The following ME1 variants were observed in gnomAD, a reference collection of about 807,000 sequenced individuals.
ME1 encodes malic enzyme 1.
In ME1, 74 loss-of-function variants were observed where a neutral mutation model predicts 66.4. The ratio of observed to expected loss-of-function variants is 1.11; its 90% CI spans 0.92 to 1.35. ME1 has a LOEUF of 1.35. Among genes scored for constraint, ME1 ranks in the 40% most tolerant of loss-of-function variants. ME1 has a pLI of 0.00. For synonymous variants in ME1, 251 were observed against 235.6 expected, an observed-to-expected ratio of 1.07 and a Z score of -0.60; for missense variants, 750 against 694.1, an observed-to-expected ratio of 1.08 and a Z score of -0.90.
At chr6:83,361,589 C>T (rs377027461) in intron 3 of ME1, among the ~76,000 whole-genome samples, 19 of 152,308 alleles carry the variant, frequency 1.2e-4, no homozygotes, top group East Asian at 5.8e-4. Flanking sequence ...TTTGGCAAGC[C>T]GCCATAGGTG....
At chr6:83,269,237 C>A (rs1424243256) in intron 6 of ME1, among the ~76,000 whole-genome samples, 1 of 151,816 alleles carries the variant, frequency 6.6e-6, no homozygotes, top group East Asian at 2.0e-4. Flanking sequence ...GTTCCTCTAT[C>A]ATTTATGTTT....
chr6:83,362,074 C>G (rs1436005517), intron 3 of ME1, among the ~76,000 whole-genome samples: 1 of 152,218 alleles, frequency 6.6e-6, no homozygotes, highest in African/African-American at 2.4e-5. Context: ...AGCTACAGCA[C>G]TACAGCCCCT....
chr6:83,227,849 A>T (rs1790227456), intron 10 of ME1, among the ~76,000 whole-genome samples: 1 of 152,238 alleles, frequency 6.6e-6, no homozygotes, highest in Non-Finnish European at 1.5e-5. Context: ...TAAGTTTTAT[A>T]AACCAACGCT....
At chr6:83,264,851 C>T (rs762092111) in intron 6 of ME1, among the ~76,000 whole-genome samples, 7 of 152,084 alleles carry the variant, frequency 4.6e-5, no homozygotes, top group African/African-American at 9.7e-5. Flanking sequence ...ACTGTTGAAA[C>T]GACAACAATT....
At chr6:83,274,052 C>T (rs921392711) in intron 6 of ME1, among the ~76,000 whole-genome samples, 1 of 152,164 alleles carries the variant, frequency 6.6e-6, no homozygotes, top group Non-Finnish European at 1.5e-5. Context: ...AATCTGGCTC[C>T]TTTCCTCTGA....
At chr6:83,253,112 G>C (rs908445378) in intron 7 of ME1, among the ~76,000 whole-genome samples, 1 of 152,054 alleles carries the variant, frequency 6.6e-6, no homozygotes, top group South Asian at 2.1e-4. Flanking sequence ...ATGTGTATTG[G>C]GGGGTGGGCT....
At chr6:83,293,702 C>G (rs1210266442) in intron 6 of ME1, among the ~76,000 whole-genome samples, 1 of 152,150 alleles carries the variant, frequency 6.6e-6, no homozygotes, top group African/African-American at 2.4e-5. Context: ...GCGAAAGGAG[C>G]TGTCATAATG....
At chr6:83,381,884 T>A (rs1006455869) in intron 3 of ME1, among the ~76,000 whole-genome samples, 1 of 152,092 alleles carries the variant, frequency 6.6e-6, no homozygotes, top group Non-Finnish European at 1.5e-5. Context: ...AATGGCTTTT[T>A]AAATGGATTA....
chr6:83,387,523 A>T (rs1235456138), intron 3 of ME1, among the ~76,000 whole-genome samples: 1 of 152,082 alleles, frequency 6.6e-6, no homozygotes, highest in Non-Finnish European at 1.5e-5. Context: ...TTAGACCCTC[A>T]TGTTTGTATA....
chr6:83,253,720 A>G lies in ME1; in HGVS notation c.723T>C (p.Leu241=). 2 of 1,601,016 alleles carry G rather than the reference A, an allele frequency of 1.2e-6. No homozygotes were observed. Among genetic ancestry groups the G allele is most frequent in the Non-Finnish European group, 1.7e-6 (2 of 1,168,884 alleles). ...CATTGGCAAAATCTTCAAACTGAATAAGGCAATTCATGCCATACCTATGGG... is the reference window on the plus strand; with the variant it reads ...CATTGGCAAAATCTTCAAACTGAATGAGGCAATTCATGCCATACCTATGGG... The part of the protein sequence containing the change: ...AVSSKYGMNC[L]IQFEDFANVN... Residue 241 remains leucine, a synonymous_variant, in exon 7 of 14, where the codon CTT becomes CTC. Transcript: ENST00000369705.
intron 2 of ME1, among the ~76,000 whole-genome samples, chr6:83,402,689 A>G (rs1273255700): frequency 6.6e-6 from 1 of 152,156 alleles, no homozygotes; most frequent in Non-Finnish European, 1.5e-5. Flanking sequence ...CTGTGATTAA[A>G]GCTAATGAAA....
At chr6:83,287,326 C>G (rs1341504141) in intron 6 of ME1, among the ~76,000 whole-genome samples, 1 of 152,078 alleles carries the variant, frequency 6.6e-6, no homozygotes, top group African/African-American at 2.4e-5. Context: ...ACCACAGGTC[C>G]CGGTGTTTGA....
intron 1 of ME1, among the ~76,000 whole-genome samples, chr6:83,421,743 A>G (rs1770272923): frequency 6.6e-6 from 1 of 152,186 alleles, no homozygotes; most frequent in African/African-American, 2.4e-5. Flanking sequence ...CTTAAAGGTC[A>G]GAGAAGGAAG....
intron 6 of ME1, among the ~76,000 whole-genome samples, chr6:83,312,187 A>C (rs1197951127): frequency 6.6e-6 from 1 of 152,196 alleles, no homozygotes. Context: ...GGACTATTCA[A>C]ATGTCTGAGA....
chr6:83,236,318 T>A (rs1790402744), intron 9 of ME1, among the ~76,000 whole-genome samples: 1 of 152,134 alleles, frequency 6.6e-6, no homozygotes, highest in Non-Finnish European at 1.5e-5. Flanking sequence ...TCTATCTCCA[T>A]GAGATAGATT....
chr6:83,275,926 C>T (rs1338215759), intron 6 of ME1, among the ~76,000 whole-genome samples: 3 of 151,010 alleles, frequency 2.0e-5, no homozygotes, highest in African/African-American at 4.9e-5. Context: ...CACACCACCA[C>T]GCCCAGCTAA....
intron 1 of ME1, among the ~76,000 whole-genome samples, chr6:83,426,373 T>C (rs1770370722): frequency 6.6e-6 from 1 of 152,260 alleles, no homozygotes; most frequent in South Asian, 2.1e-4. Flanking sequence ...TGTGATATTC[T>C]ATACTACTAC....
At chr6:83,407,226 C>T (rs1169389933) in intron 2 of ME1, among the ~76,000 whole-genome samples, 1 of 152,130 alleles carries the variant, frequency 6.6e-6, no homozygotes, top group Non-Finnish European at 1.5e-5. Flanking sequence ...CAGTTACAGT[C>T]GCCATGGCAG....
chr6:83,256,680 C>T (rs566019460), intron 6 of ME1, among the ~76,000 whole-genome samples: 11 of 152,238 alleles, frequency 7.2e-5, no homozygotes, highest in Non-Finnish European at 1.3e-4. Flanking sequence ...ACCCAGCAAT[C>T]CCATTACTGG....
Sources: gnomAD v4.1 joint callset for allele counts (sites outside exome capture counted in the v4.1 genomes callset) on GRCh38, gnomAD v4.1.1 for gene constraint, MANE v1.5 for transcripts, NCBI Gene and HGNC (gene_info 2026-07-23, HGNC 2026-07-21) for gene names.